The following LYPD8 variants were observed in gnomAD, a reference collection of about 807,000 sequenced individuals.
LYPD8 encodes LY6/PLAUR domain containing 8.
Under a neutral mutation model 1.7 loss-of-function variants are expected in LYPD8, and 8 were observed. That is an observed-to-expected ratio of 4.58 (90% confidence interval 2.69 to 8.27). LYPD8 has a LOEUF of 8.27. LYPD8 is among the 30% of genes most tolerant of loss of function. The pLI is 0.00. For missense variants in LYPD8, 112 were observed against 102.3 expected, an observed-to-expected ratio of 1.09 and a Z score of -0.41; for synonymous variants, 50 against 43.6, an observed-to-expected ratio of 1.15 and a Z score of -0.58.
intron 2 of LYPD8, among the ~76,000 whole-genome samples, chr1:248,752,993 A>G (rs1434268409): frequency 1.8e-5 from 1 of 54,724 alleles, no homozygotes; most frequent in African/African-American, 5.4e-5. Flanking sequence ...CACAACACAC[A>G]CACAAACACA....
intron 2 of LYPD8, among the ~76,000 whole-genome samples, chr1:248,753,241 ACCCCACACAAC>A (rs1662856144): frequency 1.1e-5 from 1 of 87,004 alleles, no homozygotes; most frequent in African/African-American, 5.1e-5. Flanking sequence ...CACACCACAC[ACCCCACACAAC>A]ACACACCGCA....
rs1272525231 is a variant in LYPD8, at chr1:248,739,971, TGAAGCCCAGGCAG to T, written c.476-135_476-123del. The stretch of plus-strand genomic sequence containing the variant: ...TGACCAGCAAGAGCTGGTGTGCTCC[TGAAGCCCAGGCAG>T]GAAGAAGGAGCCTGCGTGTTCAGAG... On this transcript the variant is annotated intron_variant, in intron 6 of 6. Coordinates refer to ENST00000590317, the MANE Select transcript of LYPD8 (RefSeq NM_001085474.2). This position sits in a 1 kb window ranked among gnomAD's most constrained non-coding sequence, Gnocchi z 4.3. The T allele has an allele frequency of 7.7e-7, 1 of 1,304,090 alleles. No homozygotes were observed. Among genetic ancestry groups the T allele is most frequent in the Non-Finnish European group, 1.0e-6 (1 of 956,702 alleles). 80.8% of individuals were successfully genotyped at this position (1,304,090 alleles called of 1,614,324 possible).
chr1:248,749,922 TA>T (rs1286587690), intron 4 of LYPD8, among the ~76,000 whole-genome samples: 16,897 of 145,876 alleles, frequency 0.12, 1,336 homozygotes, highest in East Asian at 0.3. Flanking sequence ...AATACTGTAG[TA>T]AAAAAAAAAA....
At chr1:248,743,798 T>C (rs1286798569) in intron 6 of LYPD8, among the ~76,000 whole-genome samples, 1 of 152,168 alleles carries the variant, frequency 6.6e-6, no homozygotes, top group Non-Finnish European at 1.5e-5. Flanking sequence ...CTACCTCTCT[T>C]TCCTACTGCT....
intron 5 of LYPD8, among the ~76,000 whole-genome samples, 192 bp from the exon 6 acceptor site, chr1:248,745,471 C>G (rs973313065): frequency 6.6e-6 from 1 of 152,196 alleles, no homozygotes; most frequent in Non-Finnish European, 1.5e-5. Context: ...CAGATCTGCT[C>G]TAACAGACTA....
At chr1:248,743,387 C>T (rs1417881430) in intron 6 of LYPD8, among the ~76,000 whole-genome samples, 1 of 152,094 alleles carries the variant, frequency 6.6e-6, no homozygotes, top group African/African-American at 2.4e-5. Context: ...ATCACTTGAA[C>T]CCAGGAGACG....
At chr1:248,754,808 G>T (rs953223987) in intron 2 of LYPD8, among the ~76,000 whole-genome samples, 1 of 152,016 alleles carries the variant, frequency 6.6e-6, no homozygotes, top group Non-Finnish European at 1.5e-5. Context: ...GCAGACGTGC[G>T]CCAGCCCCTC....
chr1:248,753,139 C>T (rs1324748909), intron 2 of LYPD8, among the ~76,000 whole-genome samples: 1 of 113,650 alleles, frequency 8.8e-6, no homozygotes, highest in African/African-American at 3.3e-5. Flanking sequence ...ACACACACAC[C>T]CCACACACAA....
intron 2 of LYPD8, among the ~76,000 whole-genome samples, chr1:248,753,671 AAC>A (rs1448698781): frequency 3.3e-5 from 4 of 120,962 alleles, no homozygotes; most frequent in Admixed American, 3.2e-4. Flanking sequence ...CACCCCACGC[AAC>A]ACACACACCA....
At chr1:248,746,376 T>TG (rs1337886230) in intron 5 of LYPD8, among the ~76,000 whole-genome samples, 2 of 152,196 alleles carry the variant, frequency 1.3e-5, no homozygotes, top group East Asian at 3.8e-4. Flanking sequence ...AGGGGAGGCA[T>TG]GGCGGAAGTG....
intron 6 of LYPD8, among the ~76,000 whole-genome samples, chr1:248,744,391 C>A (rs1662685330): frequency 6.6e-6 from 1 of 152,250 alleles, no homozygotes; most frequent in Admixed American, 6.5e-5. Flanking sequence ...CAGGGCATCA[C>A]TGGTATTGTT....
intron 1 of LYPD8, 93 bp downstream of exon 1, chr1:248,755,612 T>A (rs1358979904): frequency 6.6e-6 from 1 of 152,336 alleles, no homozygotes; most frequent in African/African-American, 2.4e-5. Flanking sequence ...TGTCCTGGAC[T>A]TGGCCGGGGA....
chr1:248,748,553 T>A (rs889086795), intron 4 of LYPD8, 100 bp from the exon 5 acceptor site: 7 of 397,290 alleles, frequency 1.8e-5, no homozygotes, highest in Admixed American at 1.3e-4. Flanking sequence ...AGGCAGAAAA[T>A]GCAACCTCAG....
At chr1:248,752,722 AAC>A (rs1287305041) in intron 2 of LYPD8, among the ~76,000 whole-genome samples, 1 of 94,778 alleles carries the variant, frequency 1.1e-5, no homozygotes, top group African/African-American at 4.2e-5. Context: ...CTCCCCACTG[AAC>A]ACACACACAT....
intron 6 of LYPD8, among the ~76,000 whole-genome samples, chr1:248,744,329 G>A (rs868906916): frequency 3.3e-5 from 5 of 152,354 alleles, no homozygotes; most frequent in Middle Eastern, 3.4e-3. Context: ...GAAAAAGGAA[G>A]AGCCAGGGCT....
chr1:248,748,352 G>C lies in LYPD8; in HGVS notation c.274C>G (p.His92Asp). The C allele has an allele frequency of 2.2e-6, 1 of 464,062 alleles. No individual in the cohort carries two copies. Among genetic ancestry groups the C allele is most frequent in the Non-Finnish European group, 3.8e-6 (1 of 266,016 alleles). The allele number at this position is 464,062 out of a possible 1,614,324, so 28.7% of individuals were successfully genotyped here. ...CAGCACTGGCTTACAAAATGAAAGT[G>C]TTCTTCAGCAGACACGTGGACAGTG... ...AFTVHVSAEE[H>D]FHFVSQCCQG... The change falls in exon 5 of 7, where the codon CAC (histidine) becomes GAC (aspartate). Residue 92 changes from histidine to aspartate, a missense_variant. Transcript: ENST00000590317.
At chr1:248,753,541 AT>A (rs1572156880) in intron 2 of LYPD8, among the ~76,000 whole-genome samples, 22 of 106,666 alleles carry the variant, frequency 2.1e-4, no homozygotes, top group African/African-American at 8.2e-4. Context: ...AACACACCAC[AT>A]CACACAAAAC....
intron 5 of LYPD8, among the ~76,000 whole-genome samples, chr1:248,746,428 C>A (rs879006031): frequency 0.11 from 16,189 of 152,150 alleles, 1,235 homozygotes; most frequent in East Asian, 0.31. Context: ...GCTGTAAGTC[C>A]GATGTTAATG....
At chr1:248,750,307 C>G (rs1355137383) in intron 4 of LYPD8, among the ~76,000 whole-genome samples, 1 of 152,036 alleles carries the variant, frequency 6.6e-6, no homozygotes, top group Non-Finnish European at 1.5e-5. Flanking sequence ...CAGTCCCAAA[C>G]ACCACGAGGG....
Sources: allele counts gnomAD v4.1 joint callset (sites outside exome capture counted in the v4.1 genomes callset), GRCh38; gene constraint gnomAD v4.1.1; non-coding constraint Gnocchi (gnomAD v3.1); transcripts MANE v1.5; gene names NCBI Gene and HGNC (gene_info 2026-07-23, HGNC 2026-07-21).